Variants in BRAF observed in about 807,000 individuals in gnomAD.
BRAF encodes the protein serine/threonine-protein kinase B-raf.
BRAF carries 16 observed loss-of-function variants against 104.6 expected under a neutral mutation model. The observed-to-expected ratio is 0.15, with a 90% CI of 0.10 to 0.23. The LOEUF (loss-of-function observed/expected upper bound fraction) is 0.23. Ranked by LOEUF, BRAF falls within the 10% of genes least tolerant of loss-of-function variation. The probability of loss-of-function intolerance (pLI) is 1.00; values close to 1 mark genes in which losing one functional copy is unlikely to be tolerated. For synonymous variants in BRAF, 310 were observed against 341.6 expected (o/e 0.91, Z 1.02); for missense variants, 541 against 937.3 (o/e 0.58, Z 5.52).
chr7:140,875,180 C>A (rs1812082334), intron 1 of BRAF, among the ~76,000 whole-genome samples: 1 of 152,142 alleles, frequency 6.6e-6, no homozygotes, highest in Non-Finnish European at 1.5e-5. Context: ...AAAGATCTAA[C>A]ATCTGTGTCA....
chr7:140,909,374 C>CA (rs1257738912), intron 1 of BRAF, among the ~76,000 whole-genome samples: 1 of 151,950 alleles, frequency 6.6e-6, no homozygotes, highest in Non-Finnish European at 1.5e-5. Context: ...TTGGTGAGCA[C>CA]GCCATTGTAC....
intron 3 of BRAF, among the ~76,000 whole-genome samples, chr7:140,818,775 T>A (rs951844134): frequency 2.0e-5 from 3 of 152,232 alleles, no homozygotes; most frequent in Admixed American, 1.3e-4. Flanking sequence ...TTTAGTGATG[T>A]AAAAGACCAC....
intron 7 of BRAF, among the ~76,000 whole-genome samples, chr7:140,796,090 C>T (rs1482498253): frequency 2.0e-5 from 3 of 152,120 alleles, no homozygotes; most frequent in Admixed American, 6.6e-5. Flanking sequence ...GTGGCTCATG[C>T]CTGTAATCCC....
intron 10 of BRAF, among the ~76,000 whole-genome samples, chr7:140,784,747 C>A (rs758175022): frequency 4.6e-5 from 7 of 151,792 alleles, no homozygotes; most frequent in African/African-American, 1.7e-4. Flanking sequence ...TGGGTTCAAG[C>A]GATTCTCCAG....
At chr7:140,783,259 T>C (rs1801052596) in intron 10 of BRAF, 102 bp from the exon 10 acceptor site, 8 of 1,411,280 alleles carry the variant, frequency 5.7e-6, no homozygotes, top group Non-Finnish European at 6.8e-6. Context: ...TTTTAAAATG[T>C]AGTGCATGTT....
At position 140,800,783 on chromosome 7, in the gene BRAF, CATT is replaced by C. The variant is rs1803021620; in HGVS notation, c.861-305_861-303del. Among the ~76,000 whole-genome samples, 3 of 152,086 alleles carry C rather than the reference CATT, an allele frequency of 2.0e-5. No homozygotes were observed. The South Asian group carries it at 6.2e-4, about 32-fold the overall frequency. On this transcript the variant is annotated intron_variant, in intron 6 of 19. Coordinates refer to ENST00000644969, the MANE Select transcript of BRAF (RefSeq NM_001374258.1). ...AAAGTATCTACTGTAAATTAGGTGA[CATT>C]ATAATTTACTTAAAGTACAGAGTTA...
chr7:140,727,181 T>C lies in BRAF; in HGVS notation c.2402-665A>G, dbSNP rs933257920. ...ATTTGGGGGCTTCATGCCATTATTTTTTTCTTTTTTTTTTTTTTTGAGATG... is the reference window on the plus strand; with the variant it reads ...ATTTGGGGGCTTCATGCCATTATTTCTTTCTTTTTTTTTTTTTTTGAGATG... On this transcript the variant is annotated intron_variant, in intron 19 of 19. Coordinates refer to ENST00000644969, the MANE Select transcript of BRAF (RefSeq NM_001374258.1). Among the ~76,000 whole-genome samples, 6 of 80,372 alleles carry C rather than the reference T, an allele frequency of 7.5e-5. No individual in the cohort carries two copies. In the East Asian group the frequency reaches 1.4e-3, roughly 19 times the overall value. The allele number at this position is 80,372 out of a possible 152,430, so 52.7% of individuals were successfully genotyped here.
intron 1 of BRAF, among the ~76,000 whole-genome samples, chr7:140,881,136 G>C (rs1337016072): frequency 3.9e-5 from 6 of 152,132 alleles, no homozygotes; most frequent in African/African-American, 1.4e-4. Context: ...AGTAAACCAT[G>C]CTGTAAAAGA....
At chr7:140,734,360 A>G (rs1465415439) in intron 19 of BRAF, 12 of 1,360,866 alleles carry the variant, frequency 8.8e-6, no homozygotes, top group African/African-American at 1.5e-5. Context: ...CCTCTAGAAG[A>G]GGCTCTGCCA....
chr7:140,779,189 G>C (rs1800612884), intron 12 of BRAF, among the ~76,000 whole-genome samples: 1 of 152,164 alleles, frequency 6.6e-6, no homozygotes, highest in South Asian at 2.1e-4. Context: ...TGATTGGCTA[G>C]AAGAGGACAT....
At chr7:140,901,443 C>T (rs2129129042) in intron 1 of BRAF, among the ~76,000 whole-genome samples, 1 of 152,214 alleles carries the variant, frequency 6.6e-6, no homozygotes, top group African/African-American at 2.4e-5. Flanking sequence ...AGAAGTCTTC[C>T]TACCTTATTG....
chr7:140,778,178 AC>A, intron 12 of BRAF, 103 bp from the exon 12 acceptor site: 1 of 969,152 alleles, frequency 1.0e-6, no homozygotes, highest in Non-Finnish European at 1.6e-6. Context: ...CTAACTCCAT[AC>A]CATTATTAAA....
chr7:140,775,097 G>A (rs1230579900), intron 14 of BRAF, among the ~76,000 whole-genome samples: 1 of 152,108 alleles, frequency 6.6e-6, no homozygotes, highest in African/African-American at 2.4e-5. Context: ...AGAGTGACGT[G>A]GGGACATGTT....
intron 7 of BRAF, among the ~76,000 whole-genome samples, chr7:140,797,433 ATTG>A (rs1802605993): frequency 1.3e-5 from 2 of 152,068 alleles, no homozygotes; most frequent in South Asian, 4.2e-4. Context: ...GACCATTATT[ATTG>A]TTATCAGGAC....
intron 3 of BRAF, chr7:140,834,082 A>T (rs1426249991): frequency 1.2e-5 from 2 of 166,032 alleles, no homozygotes; most frequent in Non-Finnish European, 2.6e-5. Context: ...GCACTTAAGG[A>T]TTATAGACCA....
intron 2 of BRAF, chr7:140,835,547 T>C (rs1384373415): frequency 4.6e-5 from 7 of 151,486 alleles, no homozygotes; most frequent in Non-Finnish European, 4.4e-5. Flanking sequence ...TTGGAACTAG[T>C]ATGCAAAGCT....
chr7:140,778,049 C>T lies in BRAF; in HGVS notation c.1579G>A (p.Val527Met), dbSNP rs2129019668. The T allele has an allele frequency of 6.2e-7, 1 of 1,613,442 alleles. No individual in the cohort carries two copies. The highest frequency in any genetic ancestry group is 8.5e-7 in the Non-Finnish European group (1 of 1,179,732). ...AACTGCTGAGGTGTAGGTGCTGTCACATTCAACATTTTCACTGCCACATCA... is the reference window on the plus strand; with the variant it reads ...AACTGCTGAGGTGTAGGTGCTGTCATATTCAACATTTTCACTGCCACATCA... ...HGDVAVKMLN[V>M]TAPTPQQLQA... The change falls in exon 13 of 20, where the codon GTG (valine) becomes ATG (methionine). Residue 527 changes from valine to methionine, a missense_variant. Physicochemically the swap from Val to Met is conservative, Grantham distance 21. Transcript: ENST00000644969.
intron 19 of BRAF, chr7:140,730,759 A>G (rs938906704): frequency 6.6e-5 from 10 of 152,134 alleles, no homozygotes; most frequent in African/African-American, 2.4e-4. Context: ...AGACACCTCA[A>G]ATATCATGGT....
chr7:140,775,825 C>G (rs1800288794), intron 14 of BRAF, among the ~76,000 whole-genome samples: 1 of 152,074 alleles, frequency 6.6e-6, no homozygotes, highest in Non-Finnish European at 1.5e-5. Flanking sequence ...GATATATTGC[C>G]TAGTTTTGAG....
Sources: allele counts gnomAD v4.1 joint callset (sites outside exome capture counted in the v4.1 genomes callset), GRCh38; gene constraint gnomAD v4.1.1; transcripts MANE v1.5; gene names NCBI Gene and HGNC (gene_info 2026-07-23, HGNC 2026-07-21).